RETREG1: variants seen among roughly 807,000 people sequenced by gnomAD.
The protein encoded by RETREG1 is reticulophagy regulator 1.
RETREG1 carries 44 observed loss-of-function variants against 54.8 expected under a neutral mutation model. The ratio of observed to expected loss-of-function variants is 0.80; its 90% CI spans 0.63 to 1.03. The LOEUF is 1.03. Among genes scored for constraint, RETREG1 ranks in the 50% least tolerant of loss-of-function variants. RETREG1 has a pLI of 0.00. For synonymous variants in RETREG1, 217 were observed against 238.5 expected, an observed-to-expected ratio of 0.91 and a Z score of 0.83; for missense variants, 554 against 605.1, an observed-to-expected ratio of 0.92 and a Z score of 0.89.
chr5:16,553,661 C>T (rs937983396), intron 3 of RETREG1, among the ~76,000 whole-genome samples: 3 of 152,038 alleles, frequency 2.0e-5, no homozygotes, highest in Non-Finnish European at 2.9e-5. Context: ...GCACAAACTT[C>T]AGGACCATGC....
intron 3 of RETREG1, among the ~76,000 whole-genome samples, chr5:16,531,585 G>C (rs539220559): frequency 1.5e-4 from 23 of 152,258 alleles, no homozygotes; most frequent in African/African-American, 5.3e-4. Flanking sequence ...GAGCACAGGA[G>C]ACAGCCTTGG....
chr5:16,564,834 C>T (rs1741964260), intron 3 of RETREG1, among the ~76,000 whole-genome samples: 2 of 152,210 alleles, frequency 1.3e-5, no homozygotes, highest in African/African-American at 4.8e-5. Flanking sequence ...ATTAACCTTT[C>T]CAGCTGAAAT....
In RETREG1 at chr5:16,596,231, A is replaced by G. The variant is rs568320240; in HGVS notation, c.320+20421T>C. On this transcript the variant is annotated intron_variant, in intron 1 of 8. Coordinates refer to ENST00000306320, the MANE Select transcript of RETREG1 (RefSeq NM_001034850.3). ...GGTTTACTAGGTCAGAGCTGGTGCA[A>G]CTTGATCATAGAAATAATTATCTTC... Among the ~76,000 whole-genome samples the G allele has an allele frequency of 9.1e-4, 139 of 152,354 alleles. No individual in the cohort carries two copies. The South Asian group carries it at 0.011, about 12-fold the overall frequency.
At chr5:16,540,968 C>T (rs1741224637) in intron 3 of RETREG1, among the ~76,000 whole-genome samples, 1 of 152,284 alleles carries the variant, frequency 6.6e-6, no homozygotes, top group Admixed American at 6.5e-5. Flanking sequence ...TAAACAAGTA[C>T]TTATTACGCA....
intron 3 of RETREG1, among the ~76,000 whole-genome samples, chr5:16,498,275 T>A (rs1222921660): frequency 6.6e-6 from 1 of 152,234 alleles, no homozygotes; most frequent in Non-Finnish European, 1.5e-5. Flanking sequence ...GTACCGAGGC[T>A]ATAGGGTACA....
intron 3 of RETREG1, among the ~76,000 whole-genome samples, chr5:16,507,206 G>A (rs1033476171): frequency 5.9e-5 from 9 of 152,098 alleles, no homozygotes; most frequent in African/African-American, 2.2e-4. Context: ...CCTCTAAAAT[G>A]AGTAGGCCCC....
chr5:16,535,678 G>A (rs1232349044), intron 3 of RETREG1, among the ~76,000 whole-genome samples: 6 of 112,962 alleles, frequency 5.3e-5, no homozygotes, highest in Non-Finnish European at 7.2e-5. Context: ...TGGGAGCTGG[G>A]GTTCCTGTGT....
At chr5:16,476,483 C>T (rs980275782) in intron 8 of RETREG1, among the ~76,000 whole-genome samples, 2 of 152,216 alleles carry the variant, frequency 1.3e-5, no homozygotes, top group Admixed American at 6.5e-5. Context: ...ACTGTGCTTT[C>T]CTGTTTTTAA....
At chr5:16,532,631 G>C (rs774510077) in intron 3 of RETREG1, among the ~76,000 whole-genome samples, 5 of 152,170 alleles carry the variant, frequency 3.3e-5, no homozygotes, top group African/African-American at 4.8e-5. Context: ...CAATTTATCT[G>C]TACATGTCAG....
At chr5:16,600,360 A>C (rs1201528755) in intron 1 of RETREG1, among the ~76,000 whole-genome samples, 1 of 152,244 alleles carries the variant, frequency 6.6e-6, no homozygotes, top group East Asian at 1.9e-4. Context: ...CAGCAAGGTC[A>C]GGAGAGAGGA....
rs771586180 is a variant in RETREG1 at position 16,477,663 on chromosome 5, A to G, written c.999T>C (p.Asp333=). The part of the protein sequence containing the change: ...EGYTPQTDTS[D]DLDRPSEEVF... ...ATGTCTCCAGAAATATTAGCATACC[A>G]TCAGAAGTGTCTGTCTGTGGAGTGT... The change falls in exon 8 of 9, where the codon GAT becomes GAC. Residue 333 remains aspartate, a splice_region_variant and synonymous_variant. Coordinates refer to ENST00000306320, the MANE Select transcript of RETREG1 (RefSeq NM_001034850.3). The G allele has an allele frequency of 8.1e-6, 13 of 1,612,772 alleles. No homozygotes were observed. In the African/African-American group the frequency reaches 1.6e-4, roughly 20 times the overall value.
intron 3 of RETREG1, among the ~76,000 whole-genome samples, chr5:16,553,248 T>C (rs1232915697): frequency 6.6e-6 from 1 of 151,998 alleles, no homozygotes; most frequent in Non-Finnish European, 1.5e-5. Flanking sequence ...GTCCACATGA[T>C]GGAATATCGT....
At position 16,483,340 on chromosome 5, in the gene RETREG1, A is replaced by G. The variant is rs1561080816; in HGVS notation, c.585+6T>C. 6.2e-7 allele frequency: 1 copy of G among 1,613,074 alleles called. No individual in the cohort carries two copies. The highest frequency in any genetic ancestry group is 8.5e-7 in the Non-Finnish European group (1 of 1,179,202). On this transcript the variant is annotated splice_donor_region_variant and intron_variant, in intron 4 of 8. Transcript: ENST00000306320. ...TTAAAACATACTCCTTTACTGGAAA[A>G]CTTGCCTTGCCAGGGCTCTGCTGTT...
chr5:16,494,825 G>A (rs1384201224), intron 3 of RETREG1, among the ~76,000 whole-genome samples: 1 of 152,184 alleles, frequency 6.6e-6, no homozygotes, highest in Admixed American at 6.5e-5. Flanking sequence ...AAGCAGCTTT[G>A]AGACTGGGTA....
chr5:16,616,896 A>G lies in RETREG1; in HGVS notation c.76T>C (p.Ser26Pro). Residue 26 changes from serine (S) to proline (P), a missense_variant, in exon 1 of 9, where the codon TCG (serine) becomes CCG (proline). By Grantham distance (74) the Ser-to-Pro change is moderately conservative (BLOSUM62 -1). Coordinates refer to ENST00000306320, the MANE Select transcript of RETREG1 (RefSeq NM_001034850.3). ...APAAEEQAPPSPPPPQASPAE... is the reference protein window; with the variant it reads ...APAAEEQAPPPPPPPQASPAE... ...GGGGATGCCTGGGGCGGTGGCGGCG[A>G]CGGCGGCGCCTGCTCCTCGGCGGCA... The G allele has an allele frequency of 6.7e-7, 1 of 1,481,838 alleles. No homozygotes were observed. The highest frequency in any genetic ancestry group is 8.9e-7 in the Non-Finnish European group (1 of 1,123,650). The allele number at this position is 1,481,838 out of a possible 1,614,324, so 91.8% of individuals were successfully genotyped here.
chr5:16,477,298 T>C (rs77804347), intron 8 of RETREG1, among the ~76,000 whole-genome samples: 4,306 of 152,250 alleles, frequency 0.028, 93 homozygotes, highest in Non-Finnish European at 0.044. Context: ...AGCATCACTA[T>C]CTAATTCTAG....
At chr5:16,556,348 G>GTTCCCCCCC (rs2126621034) in intron 3 of RETREG1, among the ~76,000 whole-genome samples, 1 of 152,122 alleles carries the variant, frequency 6.6e-6, no homozygotes, top group Non-Finnish European at 1.5e-5. Flanking sequence ...TTTTAGTAGA[G>GTTCCCCCCC]ACGGGGTTTC....
rs1738455964 is a variant in RETREG1 at position 16,474,852 on chromosome 5, T to C, written c.1383A>G (p.Ser461=). 1 of 1,614,014 alleles carries C rather than the reference T, an allele frequency of 6.2e-7. No individual in the cohort carries two copies. The highest frequency in any genetic ancestry group is 8.5e-7 in the Non-Finnish European group (1 of 1,179,958). ...ATTCACTCTCAATTTGATCCAGCTCTGACTGGTCAAGTAGTTCAAAGTCAT... is the reference window on the plus strand; with the variant it reads ...ATTCACTCTCAATTTGATCCAGCTCCGACTGGTCAAGTAGTTCAAAGTCAT... ...EGDDFELLDQ[S]ELDQIESELG... The change falls in exon 9 of 9, where the codon TCA becomes TCG. Residue 461 remains serine, a synonymous_variant. Transcript: ENST00000306320.
rs1306388254 is a variant in RETREG1 at position 16,616,734 on chromosome 5, C to A, written c.238G>T (p.Gly80Cys). Reference protein sequence around the residue: ...WLLGEPVLWLGCRADELLSWK... With the variant: ...WLLGEPVLWLCCRADELLSWK... ...CTCAGCAGCTCGTCGGCGCGGCAGC[C>A]CAGCCACAGCACCGGCTCCCCGAGC... The change falls in exon 1 of 9, where the codon GGC becomes TGC. Residue 80 changes from glycine to cysteine, a missense_variant. Coordinates refer to ENST00000306320, the MANE Select transcript of RETREG1 (RefSeq NM_001034850.3). 1.9e-6 allele frequency: 3 copies of A among 1,581,314 alleles called. No homozygotes were observed. The South Asian group carries it at 3.4e-5, about 18-fold the overall frequency.
Sources: allele counts gnomAD v4.1 joint callset (sites outside exome capture counted in the v4.1 genomes callset), GRCh38; gene constraint gnomAD v4.1.1; transcripts MANE v1.5; gene names NCBI Gene and HGNC (gene_info 2026-07-23, HGNC 2026-07-21).